Variants in L3MBTL4 observed in about 807,000 individuals in gnomAD.
L3MBTL4 encodes the protein L3MBTL histone methyl-lysine binding protein 4, also known as lethal(3)malignant brain tumor-like protein 4.
L3MBTL4 carries 70 observed loss-of-function variants against 84.5 expected under a neutral mutation model. That is an observed-to-expected ratio of 0.83 (90% CI 0.68 to 1.01). The LOEUF is 1.01. Ranked by LOEUF, L3MBTL4 falls within the 50% of genes least tolerant of loss-of-function variation. The probability of loss-of-function intolerance (pLI) is 0.00; values close to 1 mark genes in which losing one functional copy is unlikely to be tolerated. For synonymous variants in L3MBTL4, 274 were observed against 259.8 expected, an observed-to-expected ratio of 1.05 and a Z score of -0.52; for missense variants, 715 against 754.8, an observed-to-expected ratio of 0.95 and a Z score of 0.62.
chr18:6,276,299 C>CA (rs2049075581), intron 4 of L3MBTL4, among the ~76,000 whole-genome samples: 1 of 152,184 alleles, frequency 6.6e-6, no homozygotes, highest in African/African-American at 2.4e-5. Context: ...CCTGAGGGCG[C>CA]AGCCTTAACC....
intron 5 of L3MBTL4, 72 bp downstream of exon 5, chr18:6,263,875 A>C: frequency 3.0e-6 from 3 of 1,013,054 alleles, no homozygotes; most frequent in Non-Finnish European, 4.7e-6. Context: ...CTATCTAGGA[A>C]AGTCATTTCA....
chr18:6,078,906 G>A (rs1485602596), intron 16 of L3MBTL4, among the ~76,000 whole-genome samples: 1 of 152,126 alleles, frequency 6.6e-6, no homozygotes. Context: ...GTGACAGATC[G>A]TCAGGTATTA....
intron 1 of L3MBTL4, among the ~76,000 whole-genome samples, chr18:6,322,517 A>C (rs78922657): frequency 0.075 from 10,845 of 145,204 alleles, 559 homozygotes; most frequent in African/African-American, 0.14. Flanking sequence ...AAGGAAAAAA[A>C]AAACAAACAA....
rs779523685 is a variant in L3MBTL4 at position 6,118,993 on chromosome 18, CTTTTTTTTTTTTTT to C, written c.1199+19187_1199+19200del. On this transcript the variant is annotated intron_variant, in intron 14 of 18. Transcript: ENST00000317931. The stretch of plus-strand genomic sequence containing the variant: ...GATTTGGCACAGTTTTTTTTGGTTT[CTTTTTTTTTTTTTT>C]TTTTTTTTTTTGACTAGAACAGTAT... Among the ~76,000 whole-genome samples the C allele has an allele frequency of 6.2e-4, 52 of 83,702 alleles. 1 individual carries two copies. Among genetic ancestry groups the C allele is most frequent in the African/African-American group, 2.4e-3 (51 of 21,376 alleles). 54.9% of individuals were successfully genotyped at this position (83,702 alleles called of 152,430 possible).
intron 4 of L3MBTL4, among the ~76,000 whole-genome samples, chr18:6,289,388 T>G (rs1362580328): frequency 2.0e-5 from 3 of 152,182 alleles, no homozygotes; most frequent in Admixed American, 6.5e-5. Flanking sequence ...TTACAACAGG[T>G]TTTGATTTTT....
At position 6,243,440 on chromosome 18, in the gene L3MBTL4, G is replaced by T. The variant is rs1352845056; in HGVS notation, c.325-11C>A. Reference sequence around the variant, plus strand: ...ACGGTAACCACAAACCTGCAAGATAGAAAGTTTACAATCATTCGTTAAGTG... The same window carrying T: ...ACGGTAACCACAAACCTGCAAGATATAAAGTTTACAATCATTCGTTAAGTG... On this transcript the variant is annotated splice_polypyrimidine_tract_variant and intron_variant, in intron 6 of 18. Transcript: ENST00000317931. 6.3e-7 allele frequency: 1 copy of T among 1,578,498 alleles called. No individual in the cohort carries two copies. The highest frequency in any genetic ancestry group is 1.9e-5 in the Admixed American group (1 of 53,600).
intron 16 of L3MBTL4, among the ~76,000 whole-genome samples, chr18:5,986,940 C>A (rs933336439): frequency 6.6e-6 from 1 of 152,236 alleles, no homozygotes; most frequent in Non-Finnish European, 1.5e-5. Context: ...AGGAATTACT[C>A]CTTTTTCTGT....
At chr18:6,065,882 C>G (rs1252002055) in intron 16 of L3MBTL4, among the ~76,000 whole-genome samples, 1 of 151,676 alleles carries the variant, frequency 6.6e-6, no homozygotes, top group South Asian at 2.1e-4. Flanking sequence ...TTTAATATTT[C>G]TTTTCTTCTC....
At chr18:6,324,447 G>A (rs1599642515) in intron 1 of L3MBTL4, among the ~76,000 whole-genome samples, 1 of 152,238 alleles carries the variant, frequency 6.6e-6, no homozygotes, top group Non-Finnish European at 1.5e-5. Context: ...AGCCACAGGG[G>A]CTGAACCTTG....
At chr18:6,301,231 C>A (rs989586032) in intron 4 of L3MBTL4, among the ~76,000 whole-genome samples, 1 of 151,972 alleles carries the variant, frequency 6.6e-6, no homozygotes, top group African/African-American at 2.4e-5. Context: ...AATTAGAGGA[C>A]CATTATCATA....
chr18:6,066,155 C>T (rs1427003560), intron 16 of L3MBTL4, among the ~76,000 whole-genome samples: 2 of 151,944 alleles, frequency 1.3e-5, no homozygotes, highest in South Asian at 2.1e-4. Context: ...TCCATGTATT[C>T]GTATAGTTTT....
At chr18:6,263,586 G>A (rs532719099) in intron 5 of L3MBTL4, among the ~76,000 whole-genome samples, 1 of 152,288 alleles carries the variant, frequency 6.6e-6, no homozygotes, top group African/African-American at 2.4e-5. Context: ...GCTAATAGAA[G>A]TAAAACCTAA....
intron 1 of L3MBTL4, among the ~76,000 whole-genome samples, chr18:6,357,909 A>G (rs1387825090): frequency 6.6e-6 from 1 of 152,202 alleles, no homozygotes; most frequent in East Asian, 1.9e-4. Context: ...ACGTAATCTC[A>G]TTATCTCATT....
At position 6,311,635 on chromosome 18, in the gene L3MBTL4, C is replaced by T. The variant is rs368380346; in HGVS notation, c.-10G>A. On this transcript the variant is annotated 5_prime_UTR_variant, in exon 3 of 19. Coordinates refer to ENST00000317931, the MANE Select transcript of L3MBTL4 (RefSeq NM_001330559.2). ...TGTTGGGCTGTTTCATTGCCACCCC[C>T]GCACTCCTTGGCAGTGGTTTTCTGT... 11 of 1,612,052 alleles carry T rather than the reference C, an allele frequency of 6.8e-6. No homozygotes were observed. Among genetic ancestry groups the T allele is most frequent in the Admixed American group, 1.7e-5 (1 of 59,996 alleles).
chr18:6,024,289 G>T (rs2055404167), intron 16 of L3MBTL4, among the ~76,000 whole-genome samples: 1 of 152,216 alleles, frequency 6.6e-6, no homozygotes, highest in Non-Finnish European at 1.5e-5. Flanking sequence ...GCATATCCAT[G>T]CATGTTTTAT....
intron 4 of L3MBTL4, among the ~76,000 whole-genome samples, chr18:6,273,654 T>C (rs1307221507): frequency 6.6e-6 from 1 of 152,232 alleles, no homozygotes; most frequent in East Asian, 1.9e-4. Context: ...GCCAAGTGGC[T>C]GAGAGGCTCT....
chr18:6,330,345 A>G (rs183904723), intron 1 of L3MBTL4, among the ~76,000 whole-genome samples: 1 of 152,336 alleles, frequency 6.6e-6, no homozygotes, highest in African/African-American at 2.4e-5. Context: ...TCAAGGTTTC[A>G]CCAAGGGTGT....
At chr18:6,163,552 C>T (rs969791665) in intron 13 of L3MBTL4, among the ~76,000 whole-genome samples, 6 of 152,014 alleles carry the variant, frequency 3.9e-5, no homozygotes, top group Admixed American at 2.6e-4. Context: ...AAAATCATAA[C>T]CAACCAAAGA....
At chr18:6,400,304 T>G (rs1046858230) in intron 1 of L3MBTL4, among the ~76,000 whole-genome samples, 2 of 152,220 alleles carry the variant, frequency 1.3e-5, no homozygotes, top group African/African-American at 4.8e-5. Context: ...GCACTTTGCC[T>G]GGGTGTTTTC....
Sources: gnomAD v4.1 joint callset for allele counts (sites outside exome capture counted in the v4.1 genomes callset) on GRCh38, gnomAD v4.1.1 for gene constraint, MANE v1.5 for transcripts, NCBI Gene and HGNC (gene_info 2026-07-23, HGNC 2026-07-21) for gene names.